DDB1: variants seen among roughly 807,000 people sequenced by gnomAD.
DDB1 encodes the protein DNA damage-binding protein 1.
In DDB1, 18 loss-of-function variants were observed where a neutral mutation model predicts 133.1. The ratio of observed to expected loss-of-function variants is 0.14; its 90% CI spans 0.09 to 0.20. DDB1 has a LOEUF of 0.20. DDB1 is among the 10% of genes least tolerant of loss of function. The pLI is 1.00. For missense variants in DDB1, 828 were observed against 1,459.2 expected (o/e 0.57, Z 7.05); for synonymous variants, 580 against 550.5 (o/e 1.05, Z -0.75).
intron 10 of DDB1, among the ~76,000 whole-genome samples, chr11:61,316,916 T>C: frequency 1.3e-5 from 1 of 78,628 alleles, no homozygotes; most frequent in Non-Finnish European, 2.4e-5. Context: ...CAAGATCCTG[T>C]CTCAAAAAAA....
chr11:61,308,932 G>A, intron 21 of DDB1, 51 bp downstream of exon 21: 1 of 1,563,392 alleles, frequency 6.4e-7, no homozygotes, highest in Non-Finnish European at 8.8e-7. Flanking sequence ...GACACATTCT[G>A]CAGACAATGA....
At position 61,300,804 on chromosome 11, in the gene DDB1, C is replaced by T. The variant is rs2134888997; in HGVS notation, c.3339+5G>A. ...TGGCCCAGGGTTAAACACCACACAG[C>T]TCACCTGTAGGTTTGCCACCACCTC... On this transcript the variant is annotated splice_donor_5th_base_variant and intron_variant, in intron 26 of 26. Coordinates refer to ENST00000301764, the MANE Select transcript of DDB1 (RefSeq NM_001923.5). The T allele has an allele frequency of 6.2e-7, 1 of 1,614,166 alleles. No individual in the cohort carries two copies. The highest frequency in any genetic ancestry group is 2.2e-5 in the East Asian group (1 of 44,882).
chr11:61,318,221 C>G lies in DDB1; in HGVS notation c.1226-1654G>C, dbSNP rs1170298548. The stretch of plus-strand genomic sequence containing the variant: ...ATAATTATTAAATTATGCAGATTAA[C>G]AAATCCCTTCTCATTATATTTATTC... On this transcript the variant is annotated intron_variant, in intron 10 of 26. Coordinates refer to ENST00000301764, the MANE Select transcript of DDB1 (RefSeq NM_001923.5). 2.0e-5 allele frequency among the ~76,000 whole-genome samples: 3 copies of G among 152,254 alleles called. No individual in the cohort carries two copies. The South Asian group carries it at 6.2e-4, about 32-fold the overall frequency.
intron 9 of DDB1, 54 bp downstream of exon 9, chr11:61,322,242 G>T: frequency 7.3e-7 from 1 of 1,377,486 alleles, no homozygotes; most frequent in Non-Finnish European, 1.0e-6. Context: ...ATAGCTAGGA[G>T]GACACAGTTT....
intron 26 of DDB1, 83 bp downstream of exon 26, chr11:61,300,724 GGA>G: frequency 6.4e-7 from 1 of 1,571,856 alleles, no homozygotes; most frequent in Middle Eastern, 1.8e-4. Context: ...GAACTGAGGA[GGA>G]GAGGTGCCCA....
At chr11:61,308,796 A>C (rs1855915161) in intron 21 of DDB1, among the ~76,000 whole-genome samples, 187 bp downstream of exon 21, 1 of 152,170 alleles carries the variant, frequency 6.6e-6, no homozygotes, top group Non-Finnish European at 1.5e-5. Context: ...GGGTTCACGT[A>C]ACCTAGTCTA....
intron 10 of DDB1, among the ~76,000 whole-genome samples, chr11:61,316,978 T>TATAC (rs1565034294): frequency 1.5e-5 from 1 of 65,744 alleles, no homozygotes; most frequent in Admixed American, 1.7e-4. Context: ...TATATATATA[T>TATAC]ATATATATAT....
Position 61,322,223 on chromosome 11 carries a change from T to G in DDB1, c.1122+73A>C, listed in dbSNP as rs141974709. On this transcript the variant is annotated intron_variant, in intron 9 of 26. Coordinates refer to ENST00000301764, the MANE Select transcript of DDB1 (RefSeq NM_001923.5). ...TATTTTCAGTGCACCCTCCCCATTC[T>G]AGATAAGCATAGCTAGGAGGACACA... 3,969 of 1,196,868 alleles carry G rather than the reference T, an allele frequency of 3.3e-3. 19 individuals are homozygous for G. The highest frequency in any genetic ancestry group is 4.3e-3 in the South Asian group (347 of 81,400). 74.1% of individuals were successfully genotyped at this position (1,196,868 alleles called of 1,614,324 possible).
In DDB1 at chr11:61,325,612, T is replaced by C; in HGVS notation, c.761A>G (p.Lys254Arg). The part of the protein sequence containing the change: ...KYLAIAPPII[K>R]QSTIVCHNRV... ...AAAAAAAGGTAGGACTGCGCTCACCTTGATGATAGGAGGGGCAATAGCCAG... is the reference window on the plus strand; with the variant it reads ...AAAAAAAGGTAGGACTGCGCTCACCCTGATGATAGGAGGGGCAATAGCCAG... Residue 254 changes from lysine (K) to arginine (R), a missense_variant and splice_region_variant, in exon 6 of 27, where the codon AAG becomes AGG. By Grantham distance (26) the Lys-to-Arg change is conservative. Transcript: ENST00000301764. 1 of 1,613,524 alleles carries C rather than the reference T, an allele frequency of 6.2e-7. No homozygotes were observed.
At chr11:61,309,772 A>C in intron 20 of DDB1, 24 bp downstream of exon 20, 1 of 1,603,382 alleles carries the variant, frequency 6.2e-7, no homozygotes. Context: ...CATCCCTCAG[A>C]AACTGGAGAC....
At chr11:61,326,700 G>A in intron 5 of DDB1, 79 bp downstream of exon 5, 1 of 1,118,282 alleles carries the variant, frequency 8.9e-7, no homozygotes, top group Non-Finnish European at 1.4e-6. Flanking sequence ...ACGAAGGGCA[G>A]AGAAGGTGAG....
chr11:61,333,059 G>A lies in DDB1; in HGVS notation c.-91C>T, dbSNP rs1030651869. 3.2e-6 allele frequency: 4 copies of A among 1,249,102 alleles called. No homozygotes were observed. The highest frequency in any genetic ancestry group is 3.3e-5 in the South Asian group (2 of 61,228). The allele number at this position is 1,249,102 out of a possible 1,614,324, so 77.4% of individuals were successfully genotyped here. ...GACAGGTGGCCCCCAACAGCGCGCA[G>A]CGAACTCCACTGCCGCTGCCTCCGC... On this transcript the variant is annotated 5_prime_UTR_variant, in exon 1 of 27. Coordinates refer to ENST00000301764, the MANE Select transcript of DDB1 (RefSeq NM_001923.5).
chr11:61,330,121 G>GTTGTTCCTGTTTTAA, intron 2 of DDB1, 47 bp from the exon 3 acceptor site: 1 of 1,492,014 alleles, frequency 6.7e-7, no homozygotes, highest in Non-Finnish European at 9.3e-7. Context: ...TTTAAAACAG[G>GTTGTTCCTGTTTTAA]AACAACCTGT....
At chr11:61,325,733 A>C (rs1450574000) in intron 5 of DDB1, 25 bp from the exon 6 acceptor site, 5 of 1,589,534 alleles carry the variant, frequency 3.1e-6, no homozygotes, top group Non-Finnish European at 3.4e-6. Flanking sequence ...GCAAAATTAG[A>C]ATGCTCAGCA....
intron 16 of DDB1, among the ~76,000 whole-genome samples, chr11:61,312,388 T>C (rs1590686581): frequency 2.0e-5 from 3 of 152,192 alleles, no homozygotes; most frequent in Admixed American, 2.0e-4. Flanking sequence ...GTGTCAGAGT[T>C]GGCTGGAGGG....
chr11:61,326,694 A>T (rs955099628), intron 5 of DDB1, 85 bp downstream of exon 5: 2 of 1,046,908 alleles, frequency 1.9e-6, no homozygotes, highest in East Asian at 4.7e-5. Context: ...GCCAAAACGA[A>T]GGGCAGAGAA....
At chr11:61,312,915 G>A (rs1856002283) in intron 16 of DDB1, among the ~76,000 whole-genome samples, 1 of 150,552 alleles carries the variant, frequency 6.6e-6, no homozygotes, top group African/African-American at 2.4e-5. Context: ...CAATTTCAAG[G>A]GAATCTCCTG....
intron 12 of DDB1, chr11:61,314,713 G>A: frequency 2.1e-6 from 1 of 466,152 alleles, no homozygotes; most frequent in Non-Finnish European, 3.7e-6. Context: ...ACCTACAGCT[G>A]GTGGGGAAAA....
chr11:61,330,321 A>T (rs2444554), intron 2 of DDB1: 335,677 of 347,658 alleles, frequency 0.97, 162,974 homozygotes, highest in East Asian at 1. Context: ...CTGTTCTACA[A>T]ACAAAGTCTT....
Sources: gnomAD v4.1 joint callset for allele counts (sites outside exome capture counted in the v4.1 genomes callset) on GRCh38, gnomAD v4.1.1 for gene constraint, MANE v1.5 for transcripts, NCBI Gene and HGNC (gene_info 2026-07-23, HGNC 2026-07-21) for gene names.